ZFR: variants seen among roughly 807,000 people sequenced by gnomAD.
The protein encoded by ZFR is zinc finger RNA binding protein.
ZFR carries 19 observed loss-of-function variants against 130.7 expected under a neutral mutation model. The ratio of observed to expected loss-of-function variants is 0.15; its 90% CI spans 0.10 to 0.21. The LOEUF (loss-of-function observed/expected upper bound fraction) is 0.21, where lower values mean the gene tolerates loss of function less well. ZFR is among the 10% of genes least tolerant of loss of function. The pLI is 1.00. For synonymous variants in ZFR, 466 were observed against 456.9 expected (o/e 1.02, Z -0.25); for missense variants, 872 against 1,321.5 (o/e 0.66, Z 5.27).
At position 32,444,647 on chromosome 5, in the gene ZFR, T is replaced by C; in HGVS notation, c.12A>G (p.Ile4Met). 2 of 1,511,100 alleles carry C rather than the reference T, an allele frequency of 1.3e-6. No homozygotes were observed. Among genetic ancestry groups the C allele is most frequent in the South Asian group, 1.3e-5 (1 of 79,406 alleles). The allele number at this position is 1,511,100 out of a possible 1,614,324, so 93.6% of individuals were successfully genotyped here. Residue 4 changes from isoleucine to methionine, a missense_variant, in exon 1 of 20, where the codon ATA (isoleucine) becomes ATG (methionine). Ile to Met is a conservative substitution (Grantham distance 10, BLOSUM62 1). Around this residue, in one of 7 missense-constraint regions of ZFR, gnomAD observed 240 missense variants for 441.2 expected, o/e 0.54. Coordinates refer to ENST00000265069, the MANE Select transcript of ZFR (RefSeq NM_016107.5). MIPICPVVSFTYVP... is the reference protein window; with the variant it reads MIPMCPVVSFTYVP... ...CATAGGTGAAAGAAACTACAGGGCA[T>C]ATGGGAATCATGGGCTCGGGCTGCT... is the stretch of plus-strand genomic sequence containing the variant.
At chr5:32,397,775 G>A (rs950197985) in intron 9 of ZFR, among the ~76,000 whole-genome samples, 10 of 142,618 alleles carry the variant, frequency 7.0e-5, no homozygotes, top group African/African-American at 2.5e-4. Flanking sequence ...TAAAAGGATA[G>A]AAACTGTAGA....
chr5:32,418,452 T>A (rs940512996), intron 3 of ZFR, among the ~76,000 whole-genome samples: 43 of 152,178 alleles, frequency 2.8e-4, no homozygotes, highest in Non-Finnish European at 7.3e-5. Context: ...TACTAAACTT[T>A]GTAATTGCTC....
chr5:32,384,331 A>G (rs936290620), intron 15 of ZFR, among the ~76,000 whole-genome samples: 2 of 152,186 alleles, frequency 1.3e-5, no homozygotes, highest in Admixed American at 6.5e-5. Context: ...CCCTTTACAC[A>G]AAACTCATTT....
chr5:32,397,347 G>A lies in ZFR; in HGVS notation c.1714-9C>T. ...CCTTCATCATTTCGTACCTTGGTGT[G>A]GAAAAAAAATTCAAGAATCATCATA... On this transcript the variant is annotated splice_polypyrimidine_tract_variant and intron_variant, in intron 9 of 19. Coordinates refer to ENST00000265069, the MANE Select transcript of ZFR (RefSeq NM_016107.5). 1.3e-6 allele frequency: 2 copies of A among 1,599,892 alleles called. No homozygotes were observed. Among genetic ancestry groups the A allele is most frequent in the Non-Finnish European group, 1.7e-6 (2 of 1,175,734 alleles).
At chr5:32,380,011 A>T (rs1752900851) in intron 16 of ZFR, 64 bp downstream of exon 16, 6 of 1,347,134 alleles carry the variant, frequency 4.5e-6, no homozygotes, top group Non-Finnish European at 5.3e-6. Flanking sequence ...GCACAGTTAA[A>T]CATGTTGTAC....
At chr5:32,401,336 A>C (rs1753444167) in intron 8 of ZFR, among the ~76,000 whole-genome samples, 1 of 152,246 alleles carries the variant, frequency 6.6e-6, no homozygotes, top group Non-Finnish European at 1.5e-5. Flanking sequence ...TGTGATAAGC[A>C]CTATAAGAAG....
At chr5:32,357,823 T>G (rs900977099) in intron 19 of ZFR, among the ~76,000 whole-genome samples, 1 of 152,250 alleles carries the variant, frequency 6.6e-6, no homozygotes, top group African/African-American at 2.4e-5. Context: ...GATTAGCCAG[T>G]TATCTCAATA....
intron 15 of ZFR, among the ~76,000 whole-genome samples, chr5:32,384,022 G>A (rs1451269542): frequency 6.6e-6 from 1 of 152,124 alleles, no homozygotes; most frequent in Non-Finnish European, 1.5e-5. Context: ...GAAGGGATAG[G>A]TTATCAAATA....
intron 19 of ZFR, among the ~76,000 whole-genome samples, chr5:32,361,695 T>C (rs1472065798): frequency 1.3e-5 from 2 of 151,090 alleles, no homozygotes; most frequent in Admixed American, 6.6e-5. Flanking sequence ...TTCGGCTCAC[T>C]GCAACCTGTG....
At chr5:32,418,922 A>C (rs1030740651) in intron 3 of ZFR, among the ~76,000 whole-genome samples, 1 of 152,222 alleles carries the variant, frequency 6.6e-6, no homozygotes, top group African/African-American at 2.4e-5. Flanking sequence ...CATAATAAGG[A>C]GAATGTAGAA....
chr5:32,429,010 G>C (rs1175751431), intron 2 of ZFR, among the ~76,000 whole-genome samples: 1 of 129,986 alleles, frequency 7.7e-6, no homozygotes, highest in Non-Finnish European at 1.5e-5. Context: ...TTTTGAGACG[G>C]AGTCTTGCTC....
intron 1 of ZFR, 56 bp from the exon 2 acceptor site, chr5:32,444,384 C>A: frequency 6.7e-7 from 1 of 1,502,978 alleles, no homozygotes; most frequent in Admixed American, 2.1e-5. Flanking sequence ...ACAGAGGAGC[C>A]GAGACGCCGA....
intron 19 of ZFR, 117 bp downstream of exon 19, chr5:32,363,831 C>T: frequency 2.4e-6 from 2 of 820,514 alleles, no homozygotes. Flanking sequence ...TTGCTTACTA[C>T]AGAAGCAGAA....
At position 32,395,242 on chromosome 5, in the gene ZFR, T is replaced by C. The variant is rs546988346; in HGVS notation, c.1896A>G (p.Gln632=). The C allele has an allele frequency of 3.0e-5, 48 of 1,611,360 alleles. No individual in the cohort carries two copies. The highest frequency in any genetic ancestry group is 1.5e-4 in the Admixed American group (9 of 59,688). The stretch of plus-strand genomic sequence containing the variant: ...GCATTTGCTTCCTCATTTTCTCTTC[T>C]TGAATCTTTCTTGCTCGAATACTAG... ...VKPSIRARKI[Q]EEKMRKQMQK... is the part of the protein sequence containing the mutation. The change falls in exon 11 of 20, where the codon CAA becomes CAG. Residue 632 remains glutamine, a synonymous_variant. Coordinates refer to ENST00000265069, the MANE Select transcript of ZFR (RefSeq NM_016107.5).
chr5:32,413,230 A>G (rs980862911), intron 5 of ZFR, among the ~76,000 whole-genome samples: 3 of 151,892 alleles, frequency 2.0e-5, no homozygotes, highest in Admixed American at 1.3e-4. Flanking sequence ...AAACAAAACA[A>G]AACAAAACAA....
At chr5:32,367,443 ATAAATAAATAAATAAATAAAG>A (rs1752571831) in intron 17 of ZFR, among the ~76,000 whole-genome samples, 2 of 97,136 alleles carry the variant, frequency 2.1e-5, no homozygotes, top group Admixed American at 1.4e-4. Flanking sequence ...CTCAAAAATA[ATAAATAAATAAATAAATAAAG>A]TAAATAAATA....
At chr5:32,391,787 A>G (rs1175043051) in intron 11 of ZFR, among the ~76,000 whole-genome samples, 1 of 152,036 alleles carries the variant, frequency 6.6e-6, no homozygotes, top group Non-Finnish European at 1.5e-5. Flanking sequence ...AAATTGGCAG[A>G]GTCCCACTCT....
chr5:32,371,062 C>T (rs1366163405), intron 17 of ZFR, among the ~76,000 whole-genome samples: 2 of 152,144 alleles, frequency 1.3e-5, no homozygotes, highest in Non-Finnish European at 2.9e-5. Context: ...CTCTTGCCTC[C>T]AAAACATGAT....
At chr5:32,390,580 ATG>A in intron 11 of ZFR, 143 bp from the exon 12 acceptor site, 2 of 826,844 alleles carry the variant, frequency 2.4e-6, no homozygotes, top group Non-Finnish European at 3.5e-6. Flanking sequence ...CTGATTTTCC[ATG>A]TTTGCTTTCA....
Sources: allele counts gnomAD v4.1 joint callset (sites outside exome capture counted in the v4.1 genomes callset), GRCh38; gene constraint gnomAD v4.1.1; regional missense constraint gnomAD v4.1.1; transcripts MANE v1.5; gene names NCBI Gene and HGNC (gene_info 2026-07-23, HGNC 2026-07-21).